Variants in GABRR3 observed in about 807,000 individuals in gnomAD.
The protein encoded by GABRR3 is gamma-aminobutyric acid type A receptor subunit rho3.
GABRR3 carries 29 observed loss-of-function variants against 43.2 expected under a neutral mutation model. The observed-to-expected ratio is 0.67, with a 90% CI of 0.50 to 0.92. The LOEUF is 0.92. GABRR3 is among the 40% of genes least tolerant of loss of function. GABRR3 has a pLI of 0.00. For missense variants in GABRR3, 576 were observed against 572.3 expected (o/e 1.01, Z -0.07); for synonymous variants, 206 against 195.9 (o/e 1.05, Z -0.43).
rs1011179777 is a variant in GABRR3 at position 97,986,688 on chromosome 3, C to A, written c.1399G>T (p.Val467Leu). The change falls in exon 10 of 10, where the codon GTA becomes TTA. Residue 467 changes from valine (V) to leucine (L), a missense_variant. By Grantham distance (32) the Val-to-Leu change is conservative. Coordinates refer to ENST00000621172, the Ensembl canonical transcript of GABRR3. ...TATACATTTGAAATTCCCCTTCATA[C>A]ATATACACCCCAGTAAAACAAATTA... 13 of 1,525,030 alleles carry A rather than the reference C, an allele frequency of 8.5e-6. No homozygotes were observed. The highest frequency in any genetic ancestry group is 2.4e-5 in the East Asian group (1 of 42,252). 94.5% of individuals were successfully genotyped at this position (1,525,030 alleles called of 1,614,324 possible).
chr3:98,015,607 A>G (rs553692386), intron 4 of GABRR3, among the ~76,000 whole-genome samples: 88 of 152,376 alleles, frequency 5.8e-4, no homozygotes, highest in African/African-American at 2.0e-3. Flanking sequence ...GCATCTTACT[A>G]GTAGGTACCA....
chr3:98,026,371 T>C (rs1707016162), intron 2 of GABRR3, among the ~76,000 whole-genome samples: 1 of 152,156 alleles, frequency 6.6e-6, no homozygotes. Flanking sequence ...AGTGGCCTCT[T>C]GGCCCTAGGT....
chr3:98,024,242 C>G (rs1419276420), intron 3 of GABRR3, among the ~76,000 whole-genome samples: 1 of 151,940 alleles, frequency 6.6e-6, no homozygotes, highest in Middle Eastern at 3.4e-3. Flanking sequence ...GCCTGTAATC[C>G]CAGCTACTTG....
At chr3:98,009,087 G>T in intron 5 of GABRR3, 49 bp from the exon 6 acceptor site, 2 of 1,193,876 alleles carry the variant, frequency 1.7e-6, no homozygotes, top group Non-Finnish European at 1.2e-6. Flanking sequence ...TAACCATCTG[G>T]CCAAATGAGC....
chr3:98,007,235 C>T (rs1416985163), intron 7 of GABRR3, among the ~76,000 whole-genome samples: 1 of 151,958 alleles, frequency 6.6e-6, no homozygotes, highest in Non-Finnish European at 1.5e-5. Flanking sequence ...AAAGCTCTGA[C>T]TGAAATGAGG....
At chr3:98,026,302 T>C (rs1316619652) in intron 2 of GABRR3, among the ~76,000 whole-genome samples, 1 of 152,072 alleles carries the variant, frequency 6.6e-6, no homozygotes, top group South Asian at 2.1e-4. Context: ...CCAGGTCAAA[T>C]TGTGAAGTAG....
At chr3:98,012,589 C>CG in intron 4 of GABRR3, 22 bp from the exon 5 acceptor site, 1 of 1,526,070 alleles carries the variant, frequency 6.6e-7, no homozygotes, top group Non-Finnish European at 8.9e-7. Context: ...GAAAAAGAGA[C>CG]CAAAAAAACC....
intron 3 of GABRR3, among the ~76,000 whole-genome samples, chr3:98,020,245 A>T (rs1227594708): frequency 1.3e-5 from 2 of 152,140 alleles, no homozygotes; most frequent in Non-Finnish European, 2.9e-5. Flanking sequence ...AGCTCAGTTT[A>T]CCTGATTTAT....
chr3:98,004,418 A>G (rs542075876), intron 7 of GABRR3, among the ~76,000 whole-genome samples: 5 of 152,330 alleles, frequency 3.3e-5, no homozygotes, highest in South Asian at 4.1e-4. Context: ...TTGCTAATAA[A>G]TGATAGAGAC....
chr3:98,030,728 C>G (rs1465997017), intron 2 of GABRR3, among the ~76,000 whole-genome samples: 3 of 152,180 alleles, frequency 2.0e-5, no homozygotes, highest in Non-Finnish European at 4.4e-5. Context: ...AGCATGGCCT[C>G]TTGATAACAT....
intron 8 of GABRR3, among the ~76,000 whole-genome samples, chr3:97,996,365 A>G (rs188703172): frequency 6.6e-6 from 1 of 152,338 alleles, no homozygotes; most frequent in East Asian, 1.9e-4. Context: ...TGAAGGTGGT[A>G]CAAATAACTG....
At chr3:98,024,511 TTC>T (rs1380504645) in intron 3 of GABRR3, among the ~76,000 whole-genome samples, 1 of 152,192 alleles carries the variant, frequency 6.6e-6, no homozygotes, top group Non-Finnish European at 1.5e-5. Context: ...AACAAATTAG[TTC>T]TCTGCAGTAC....
At chr3:98,025,295 A>G (rs901255219) in intron 3 of GABRR3, among the ~76,000 whole-genome samples, 1 of 152,210 alleles carries the variant, frequency 6.6e-6, no homozygotes, top group Non-Finnish European at 1.5e-5. Context: ...GTTAGAAAAT[A>G]AGTTGGTGTA....
At chr3:97,990,550 T>G (rs1271102840) in intron 9 of GABRR3, among the ~76,000 whole-genome samples, 2 of 152,066 alleles carry the variant, frequency 1.3e-5, no homozygotes, top group Non-Finnish European at 2.9e-5. Flanking sequence ...GTTTCATATG[T>G]TGGACAGGCT....
chr3:97,993,858 G>C (rs1706503330), intron 8 of GABRR3, among the ~76,000 whole-genome samples: 1 of 150,974 alleles, frequency 6.6e-6, no homozygotes, highest in South Asian at 2.1e-4. Context: ...TCTCTGGCAT[G>C]ATCATCAGAG....
At chr3:97,992,089 C>G (rs924895636) in intron 9 of GABRR3, among the ~76,000 whole-genome samples, 4 of 152,126 alleles carry the variant, frequency 2.6e-5, no homozygotes, top group African/African-American at 9.7e-5. Flanking sequence ...CCCAAATCCT[C>G]TGTGAAATGA....
intron 7 of GABRR3, among the ~76,000 whole-genome samples, chr3:98,004,615 C>T (rs913928336): frequency 6.7e-6 from 1 of 149,934 alleles, no homozygotes; most frequent in Non-Finnish European, 1.5e-5. Flanking sequence ...CCCTCATCTG[C>T]TTGTTAATAT....
intron 8 of GABRR3, among the ~76,000 whole-genome samples, chr3:97,996,966 T>C (rs1052231835): frequency 5.9e-5 from 9 of 152,122 alleles, no homozygotes; most frequent in African/African-American, 2.2e-4. Flanking sequence ...ACTTAACAAC[T>C]ACGTACTGAA....
At chr3:97,989,549 A>T (rs1270730675) in intron 9 of GABRR3, among the ~76,000 whole-genome samples, 34 of 151,856 alleles carry the variant, frequency 2.2e-4, no homozygotes, top group African/African-American at 8.0e-4. Context: ...TAGGGGGGTG[A>T]TGAAAACAAG....
Sources: gnomAD v4.1 joint callset for allele counts (sites outside exome capture counted in the v4.1 genomes callset) on GRCh38, gnomAD v4.1.1 for gene constraint, MANE v1.5 for transcripts, NCBI Gene and HGNC (gene_info 2026-07-23, HGNC 2026-07-21) for gene names.